Variants in HTR4 observed in about 807,000 individuals in gnomAD.
The protein encoded by HTR4 is 5-hydroxytryptamine receptor 4.
In HTR4, 16 loss-of-function variants were observed where a neutral mutation model predicts 36.8. The observed-to-expected ratio is 0.43, with a 90% CI of 0.29 to 0.66. The LOEUF (loss-of-function observed/expected upper bound fraction) is 0.66. Ranked by LOEUF, HTR4 falls within the 30% of genes least tolerant of loss-of-function variation. The pLI is 0.13. For synonymous variants in HTR4, 189 were observed against 185.1 expected, an observed-to-expected ratio of 1.02 and a Z score of -0.17; for missense variants, 438 against 490.9, an observed-to-expected ratio of 0.89 and a Z score of 1.02.
At chr5:148,477,886 C>T (rs780034692), downstream of HTR4, among the ~76,000 whole-genome samples, 3 of 152,188 alleles carry the variant, frequency 2.0e-5, no homozygotes, top group Non-Finnish European at 2.9e-5. Flanking sequence ...ATGCCTGACT[C>T]CTTAGAATGC....
chr5:148,649,246 T>C (rs558754544), intron 1 of HTR4, among the ~76,000 whole-genome samples: 2 of 151,546 alleles, frequency 1.3e-5, no homozygotes, highest in African/African-American at 4.8e-5. Context: ...TAGAGATACC[T>C]TGCTTGGATG....
intron 2 of HTR4, among the ~76,000 whole-genome samples, chr5:148,624,117 T>G (rs1753009243): frequency 6.6e-6 from 1 of 152,112 alleles, no homozygotes; most frequent in Non-Finnish European, 1.5e-5. Flanking sequence ...GTAGAGACAG[T>G]AGAAATAAAA....
chr5:148,478,135 C>T (rs989646072), downstream of HTR4, among the ~76,000 whole-genome samples: 5 of 152,154 alleles, frequency 3.3e-5, no homozygotes, highest in Admixed American at 1.3e-4. Flanking sequence ...GCCTCATAGT[C>T]GGTGTTCAGA....
intron 2 of HTR4, among the ~76,000 whole-genome samples, chr5:148,574,021 T>A (rs1760785123): frequency 6.6e-6 from 1 of 152,018 alleles, no homozygotes; most frequent in African/African-American, 2.4e-5. Flanking sequence ...TGGGGTGAAT[T>A]TTGCTCATTT....
intron 2 of HTR4, among the ~76,000 whole-genome samples, chr5:148,591,585 T>C (rs1219986479): frequency 6.6e-6 from 1 of 152,158 alleles, no homozygotes; most frequent in Non-Finnish European, 1.5e-5. Flanking sequence ...TTTTATTCTT[T>C]TTGTGGCAGT....
intron 2 of HTR4, among the ~76,000 whole-genome samples, chr5:148,614,555 T>C (rs1293252747): frequency 6.6e-6 from 1 of 152,198 alleles, no homozygotes; most frequent in Non-Finnish European, 1.5e-5. Flanking sequence ...GACTTAAACG[T>C]TAGACCTAAA....
intron 2 of HTR4, among the ~76,000 whole-genome samples, chr5:148,591,925 T>C (rs941956959): frequency 1.6e-4 from 25 of 152,148 alleles, no homozygotes; most frequent in Non-Finnish European, 2.6e-4. Flanking sequence ...AACTACCATT[T>C]GACCCAGCAA....
At chr5:148,561,306 A>G (rs1386851563) in intron 2 of HTR4, among the ~76,000 whole-genome samples, 1 of 152,242 alleles carries the variant, frequency 6.6e-6, no homozygotes, top group Non-Finnish European at 1.5e-5. Context: ...AAAGGATTTC[A>G]GGATGAAAGA....
At chr5:148,615,074 T>C (rs1293697033) in intron 2 of HTR4, among the ~76,000 whole-genome samples, 5 of 142,218 alleles carry the variant, frequency 3.5e-5, no homozygotes, top group Non-Finnish European at 7.8e-5. Context: ...ACTTTTACAC[T>C]GTTGGTGGGA....
At chr5:148,621,898 A>G (rs565318036) in intron 2 of HTR4, among the ~76,000 whole-genome samples, 2 of 152,322 alleles carry the variant, frequency 1.3e-5, no homozygotes, top group East Asian at 1.9e-4. Context: ...GGTCATTTCA[A>G]TACTTCATTC....
At chr5:148,473,364 A>C (rs2113706459), downstream of HTR4, among the ~76,000 whole-genome samples, 1 of 151,978 alleles carries the variant, frequency 6.6e-6, no homozygotes, top group African/African-American at 2.4e-5. Flanking sequence ...AGTGGTGAGT[A>C]GTGAAAGACT....
At chr5:148,478,559 C>T (rs2113711976), downstream of HTR4, among the ~76,000 whole-genome samples, 1 of 152,228 alleles carries the variant, frequency 6.6e-6, no homozygotes, top group East Asian at 1.9e-4. Context: ...CTCAGAAAAG[C>T]TAAGGACAGG....
At chr5:148,594,229 T>C (rs994217464) in intron 2 of HTR4, among the ~76,000 whole-genome samples, 2 of 152,120 alleles carry the variant, frequency 1.3e-5, no homozygotes, top group African/African-American at 4.8e-5. Flanking sequence ...AGGTAAATGC[T>C]TGTCTTAAGT....
intron 2 of HTR4, among the ~76,000 whole-genome samples, chr5:148,569,659 A>C (rs985174594): frequency 6.6e-6 from 1 of 151,856 alleles, no homozygotes; most frequent in African/African-American, 2.4e-5. Context: ...TAATGTATCC[A>C]AAACATGAGT....
chr5:148,566,528 C>T (rs1455566954), intron 2 of HTR4, among the ~76,000 whole-genome samples: 1 of 152,018 alleles, frequency 6.6e-6, no homozygotes, highest in African/African-American at 2.4e-5. Context: ...TCCAGCTTAA[C>T]GGAGAAAGAG....
At chr5:148,594,679 A>G (rs1223637817) in intron 2 of HTR4, among the ~76,000 whole-genome samples, 1 of 152,152 alleles carries the variant, frequency 6.6e-6, no homozygotes, top group East Asian at 1.9e-4. Context: ...TTTAAAAATC[A>G]CTGATCTACC....
At chr5:148,615,936 G>C (rs1752664644) in intron 2 of HTR4, among the ~76,000 whole-genome samples, 1 of 152,152 alleles carries the variant, frequency 6.6e-6, no homozygotes, top group African/African-American at 2.4e-5. Context: ...GGAAGATACA[G>C]TTCGGGCAGT....
chr5:148,639,466 G>A (rs1753657111), intron 1 of HTR4, among the ~76,000 whole-genome samples: 1 of 151,924 alleles, frequency 6.6e-6, no homozygotes, highest in African/African-American at 2.4e-5. Flanking sequence ...TCCCTGGAAT[G>A]TGACCATGTA....
At chr5:148,654,007 A>C (rs1222372544) in intron 1 of HTR4, 55 bp downstream of exon 1, 2 of 955,876 alleles carry the variant, frequency 2.1e-6, no homozygotes, top group African/African-American at 3.6e-5. Context: ...CCGCGTCCCC[A>C]CCGGCACCCG....
Sources: allele counts gnomAD v4.1 joint callset (sites outside exome capture counted in the v4.1 genomes callset), GRCh38; gene constraint gnomAD v4.1.1; transcripts MANE v1.5; gene names NCBI Gene and HGNC (gene_info 2026-07-23, HGNC 2026-07-21).